The following TLE4 variants were observed in gnomAD, a reference collection of about 807,000 sequenced individuals.
TLE4 encodes the protein transducin-like enhancer protein 4.
A neutral mutation model predicts 92.8 loss-of-function variants in TLE4; 8 were observed. The ratio of observed to expected loss-of-function variants is 0.09; its 90% CI spans 0.05 to 0.16. The LOEUF (loss-of-function observed/expected upper bound fraction) is 0.16, where lower values mean the gene tolerates loss of function less well. Among genes scored for constraint, TLE4 ranks in the 10% least tolerant of loss-of-function variants. The probability of loss-of-function intolerance (pLI) is 1.00; values close to 1 mark genes in which losing one functional copy is unlikely to be tolerated. For missense variants in TLE4, 675 were observed against 997.6 expected, an observed-to-expected ratio of 0.68 and a Z score of 4.36; for synonymous variants, 371 against 374.1, an observed-to-expected ratio of 0.99 and a Z score of 0.10.
intron 8 of TLE4, among the ~76,000 whole-genome samples, chr9:79,699,929 A>G (rs1451430732): frequency 2.0e-5 from 3 of 152,186 alleles, no homozygotes; most frequent in African/African-American, 7.2e-5. Flanking sequence ...GCATCAGAAT[A>G]TCTATGCTGG....
chr9:79,720,945 ATGATTT>A (rs2075529910), intron 16 of TLE4, among the ~76,000 whole-genome samples: 1 of 152,208 alleles, frequency 6.6e-6, no homozygotes, highest in Admixed American at 6.5e-5. Flanking sequence ...AAGCTCTGAA[ATGATTT>A]TCTAGGTGTC....
In TLE4 at chr9:79,581,860, A is replaced by G. The variant is rs907680585; in HGVS notation, c.252+5683A>G. 3.3e-4 allele frequency among the ~76,000 whole-genome samples: 50 copies of G among 152,218 alleles called. 1 individual carries two copies. The highest frequency in any genetic ancestry group is 6.2e-4 in the South Asian group (3 of 4,824). On this transcript the variant is annotated intron_variant, in intron 4 of 19. Transcript: ENST00000376552. ...GTTGGGGGATTCTCTGCAACTGCCT[A>G]GAGTCCATGGATGGCTCAGCCTGCC...
At chr9:79,576,424 C>T (rs898347074) in intron 4 of TLE4, 1 of 292,968 alleles carries the variant, frequency 3.4e-6, no homozygotes, top group Non-Finnish European at 6.2e-6. Flanking sequence ...TGTACACTTT[C>T]AAAAGCAGGA....
chr9:79,588,479 C>T (rs556213347), intron 4 of TLE4, among the ~76,000 whole-genome samples: 2 of 152,214 alleles, frequency 1.3e-5, no homozygotes, highest in South Asian at 4.1e-4. Flanking sequence ...AAAAACAAAT[C>T]GTCTGCTTCT....
At chr9:79,573,323 C>G in intron 1 of TLE4, 1 of 1,064,846 alleles carries the variant, frequency 9.4e-7, no homozygotes, top group South Asian at 3.2e-5. Context: ...CTGACCGCAG[C>G]CCGACGCCAT....
At position 79,720,418 on chromosome 9, in the gene TLE4, GTGTGTGTA is replaced by G. The variant is rs1289460321; in HGVS notation, c.1838+126_1838+133del. The G allele has an allele frequency of 5.8e-5, 64 of 1,112,268 alleles. 1 individual carries two copies. In the African/African-American group the frequency reaches 1.1e-3, roughly 18 times the overall value. 68.9% of individuals were successfully genotyped at this position (1,112,268 alleles called of 1,614,324 possible). A position where few individuals can be genotyped will look rare whatever the true frequency, so the allele number is the denominator to read the frequency against. On this transcript the variant is annotated intron_variant, in intron 16 of 19. Transcript: ENST00000376552. ...TGTGTGTGTGTGTGTGTGTGTGTGT[GTGTGTGTA>G]AAGTGATATAATTATCTTACTAAAA...
chr9:79,581,837 T>C (rs2039758786), intron 4 of TLE4, among the ~76,000 whole-genome samples: 1 of 152,078 alleles, frequency 6.6e-6, no homozygotes, highest in Non-Finnish European at 1.5e-5. Context: ...CCTCTTGAGT[T>C]GGGGGATTCT....
At chr9:79,702,908 G>A (rs1207406725) in intron 8 of TLE4, among the ~76,000 whole-genome samples, 1 of 152,178 alleles carries the variant, frequency 6.6e-6, no homozygotes, top group African/African-American at 2.4e-5. Context: ...CCACAAAAGA[G>A]ATTGTGACAT....
intron 4 of TLE4, among the ~76,000 whole-genome samples, chr9:79,583,795 T>C (rs1451957945): frequency 1.3e-5 from 2 of 152,216 alleles, no homozygotes; most frequent in Non-Finnish European, 2.9e-5. Flanking sequence ...TAGTACTCTG[T>C]AACACCCTTT....
At chr9:79,682,665 A>G (rs1217853507) in intron 8 of TLE4, among the ~76,000 whole-genome samples, 2 of 152,082 alleles carry the variant, frequency 1.3e-5, no homozygotes, top group South Asian at 2.1e-4. Flanking sequence ...AAGCCATGAA[A>G]CTCAGTTGCC....
rs71364420 is a variant in TLE4 at position 79,606,187 on chromosome 9, G to GTTTTTTTTTTTTTTTTTTTTTTTTT, written c.253-6455_253-6431dup. Among the ~76,000 whole-genome samples the GTTTTTTTTTTTTTTTTTTTTTTTTT allele has an allele frequency of 1.7e-4, 5 of 28,674 alleles. 2 individuals carry two copies. The highest frequency in any genetic ancestry group is 9.8e-4 in the Admixed American group (2 of 2,036). 18.8% of individuals were successfully genotyped at this position (28,674 alleles called of 152,430 possible). On this transcript the variant is annotated intron_variant, in intron 4 of 19. Coordinates refer to ENST00000376552, the MANE Select transcript of TLE4 (RefSeq NM_007005.6). ...ATTGCTTTATTAAGCAGTAGTAGTT[G>GTTTTTTTTTTTTTTTTTTTTTTTTT]TTTTTTTTTTTTTTTTTTTTTTTTT...
chr9:79,626,574 T>C (rs2052664672), intron 5 of TLE4, among the ~76,000 whole-genome samples: 1 of 152,206 alleles, frequency 6.6e-6, no homozygotes, highest in African/African-American at 2.4e-5. Context: ...TAAGCACTTC[T>C]GTGTCTAGAT....
At chr9:79,679,840 G>C (rs1413636904) in intron 8 of TLE4, among the ~76,000 whole-genome samples, 1 of 152,068 alleles carries the variant, frequency 6.6e-6, no homozygotes, top group Non-Finnish European at 1.5e-5. Flanking sequence ...CATATGGCTA[G>C]CCAGTTTTCC....
chr9:79,704,633 C>G (rs1412358198), intron 8 of TLE4, 150 bp from the exon 9 acceptor site: 1 of 976,610 alleles, frequency 1.0e-6, no homozygotes, highest in Non-Finnish European at 1.5e-6. Context: ...TTCTTCCTTT[C>G]GTCTCCTCCG....
At chr9:79,660,462 G>T (rs2060366947) in intron 8 of TLE4, among the ~76,000 whole-genome samples, 1 of 152,174 alleles carries the variant, frequency 6.6e-6, no homozygotes, top group Non-Finnish European at 1.5e-5. Flanking sequence ...TGCCTTTCAA[G>T]CATTTAACGT....
At chr9:79,721,592 T>TAGA (rs1239880304) in intron 16 of TLE4, 149 bp from the exon 17 acceptor site, 12 of 1,252,068 alleles carry the variant, frequency 9.6e-6, no homozygotes, top group Non-Finnish European at 1.3e-5. Flanking sequence ...TATGCTTTGT[T>TAGA]ATTACTTTGA....
chr9:79,623,176 G>A (rs982541697), intron 5 of TLE4, among the ~76,000 whole-genome samples: 3 of 151,912 alleles, frequency 2.0e-5, no homozygotes, highest in Non-Finnish European at 4.4e-5. Context: ...TTCCTTAGGG[G>A]AGTTCTTTTG....
intron 8 of TLE4, chr9:79,693,517 T>C: frequency 2.8e-6 from 1 of 355,786 alleles, no homozygotes; most frequent in Non-Finnish European, 5.5e-6. Context: ...TACTATACCC[T>C]GGAAGTTTAT....
At chr9:79,716,653 C>A (rs553044665) in intron 14 of TLE4, among the ~76,000 whole-genome samples, 1 of 152,188 alleles carries the variant, frequency 6.6e-6, no homozygotes, top group Admixed American at 6.5e-5. Flanking sequence ...TTGCCATATT[C>A]CTAATCATCA....
Sources: gnomAD v4.1 joint callset for allele counts (sites outside exome capture counted in the v4.1 genomes callset) on GRCh38, gnomAD v4.1.1 for gene constraint, MANE v1.5 for transcripts, NCBI Gene and HGNC (gene_info 2026-07-23, HGNC 2026-07-21) for gene names.